The following MYO1B variants were observed in gnomAD, a reference collection of about 807,000 sequenced individuals.
MYO1B encodes the protein myosin IB, also known as unconventional myosin-Ib.
In MYO1B, 72 loss-of-function variants were observed where a neutral mutation model predicts 159.7. That is an observed-to-expected ratio of 0.45 (90% CI 0.37 to 0.55). The LOEUF is 0.55. Among genes scored for constraint, MYO1B ranks in the 20% least tolerant of loss-of-function variants. MYO1B has a pLI of 0.00. For synonymous variants in MYO1B, 468 were observed against 473.8 expected (o/e 0.99, Z 0.16); for missense variants, 1,062 against 1,364.8 (o/e 0.78, Z 3.50).
chr2:191,341,788 G>A (rs1692241831), intron 5 of MYO1B, among the ~76,000 whole-genome samples: 1 of 152,110 alleles, frequency 6.6e-6, no homozygotes, highest in African/African-American at 2.4e-5. Context: ...TCACTTAACA[G>A]TCACTTTTCC....
intron 15 of MYO1B, among the ~76,000 whole-genome samples, chr2:191,383,923 C>T (rs1043398013): frequency 6.6e-6 from 1 of 152,138 alleles, no homozygotes; most frequent in Non-Finnish European, 1.5e-5. Flanking sequence ...AAAGGGACAA[C>T]CTCTGGAGCT....
chr2:191,330,022 A>G lies in MYO1B; in HGVS notation c.339A>G (p.Gly113=). The change falls in exon 4 of 31, where the codon GGA becomes GGG. Residue 113 remains glycine, a synonymous_variant. Coordinates refer to ENST00000392318, the MANE Select transcript of MYO1B (RefSeq NM_001130158.3). The part of the protein sequence containing the change: ...CILITGESGA[G]KTEASKLVMS... ...TCATTACTGGGGAAAGTGGAGCAGG[A>G]AAAACAGGTAAGGCTCCTACCAAGC... 6.2e-7 allele frequency: 1 copy of G among 1,611,092 alleles called. No homozygotes were observed. Among genetic ancestry groups the G allele is most frequent in the Non-Finnish European group, 8.5e-7 (1 of 1,178,134 alleles).
At chr2:191,383,005 A>G (rs1695131862) in intron 14 of MYO1B, among the ~76,000 whole-genome samples, 1 of 152,210 alleles carries the variant, frequency 6.6e-6, no homozygotes, top group Admixed American at 6.5e-5. Flanking sequence ...AGGGCCAGTG[A>G]AGTGCATGGG....
At chr2:191,396,914 G>A (rs1410350999) in intron 21 of MYO1B, among the ~76,000 whole-genome samples, 1 of 152,066 alleles carries the variant, frequency 6.6e-6, no homozygotes, top group African/African-American at 2.4e-5. Flanking sequence ...AAGATCCTGA[G>A]ATCTGGCCAG....
chr2:191,326,158 C>T (rs1691049639), intron 3 of MYO1B, among the ~76,000 whole-genome samples: 1 of 152,156 alleles, frequency 6.6e-6, no homozygotes, highest in East Asian at 1.9e-4. Context: ...CTGACACGGT[C>T]ACAAAATAAT....
At chr2:191,385,506 A>G (rs1695345918) in intron 15 of MYO1B, among the ~76,000 whole-genome samples, 1 of 136,288 alleles carries the variant, frequency 7.3e-6, no homozygotes, top group Admixed American at 7.9e-5. Flanking sequence ...TAGAGGCTGT[A>G]TTGTCACATT....
chr2:191,350,036 G>A lies in MYO1B; in HGVS notation c.499-126G>A, dbSNP rs1201178771. The A allele has an allele frequency of 4.3e-6, 3 of 703,290 alleles. No individual in the cohort carries two copies. The African/African-American group carries it at 5.4e-5, about 13-fold the overall frequency. The allele number at this position is 703,290 out of a possible 1,614,324, so 43.6% of individuals were successfully genotyped here. On this transcript the variant is annotated intron_variant, in intron 6 of 30. Transcript: ENST00000392318. ...GTTTTGCATCGTGGTTATATAAACT[G>A]TGTCTTTCTTAGTTACATTTAAACA...
intron 1 of MYO1B, among the ~76,000 whole-genome samples, chr2:191,258,181 G>C (rs994767589): frequency 1.3e-5 from 2 of 152,132 alleles, no homozygotes; most frequent in Admixed American, 6.6e-5. Flanking sequence ...CCGTATACAG[G>C]TACAGCCAAC....
At chr2:191,357,635 G>A (rs187512433) in intron 7 of MYO1B, among the ~76,000 whole-genome samples, 16 of 152,270 alleles carry the variant, frequency 1.1e-4, no homozygotes, top group Admixed American at 2.6e-4. Flanking sequence ...CTCAATTGGC[G>A]GTGGTAGAAG....
At chr2:191,360,774 G>A (rs1203025214) in intron 8 of MYO1B, 45 bp downstream of exon 8, 3 of 1,343,088 alleles carry the variant, frequency 2.2e-6, no homozygotes, top group Non-Finnish European at 3.2e-6. Flanking sequence ...TGTTGTTGTT[G>A]TTGTTGTTGT....
chr2:191,362,192 A>G (rs1693712129), intron 8 of MYO1B, 76 bp from the exon 9 acceptor site: 1 of 1,124,366 alleles, frequency 8.9e-7, no homozygotes, highest in South Asian at 1.3e-5. Context: ...GATGTGAACA[A>G]GATATCAAAG....
chr2:191,263,435 AT>A (rs1402397770), intron 1 of MYO1B: 7 of 611,128 alleles, frequency 1.1e-5, no homozygotes, highest in Non-Finnish European at 1.4e-5. Flanking sequence ...TAATTTTGTC[AT>A]TTAAAAAGAA....
intron 3 of MYO1B, among the ~76,000 whole-genome samples, chr2:191,297,930 G>A (rs1689083165): frequency 6.6e-6 from 1 of 152,194 alleles, no homozygotes; most frequent in Non-Finnish European, 1.5e-5. Flanking sequence ...AGCGTTGTCT[G>A]TTAGCCGTGT....
intron 2 of MYO1B, among the ~76,000 whole-genome samples, chr2:191,283,224 A>T (rs1264841659): frequency 1.3e-5 from 2 of 152,224 alleles, no homozygotes; most frequent in African/African-American, 4.8e-5. Context: ...TACCAAACTT[A>T]GAGAGTTTTT....
chr2:191,416,226 A>G lies in MYO1B; in HGVS notation c.3271A>G (p.Ile1091Val), dbSNP rs774716677. 19 of 1,614,042 alleles carry G rather than the reference A, an allele frequency of 1.2e-5. No individual in the cohort carries two copies. The East Asian group carries it at 4.2e-4, about 36-fold the overall frequency. ...TLSQTKQKLN[I>V]EISDEFLVQF... The stretch of plus-strand genomic sequence containing the variant: ...CAGCCAAACCAAACAGAAGCTCAAT[A>G]TTGAGATTTCCGATGAGTACGTTCA... The change falls in exon 30 of 31, where the codon ATT becomes GTT. Residue 1091 changes from isoleucine (I) to valine (V), a missense_variant. Physicochemically the swap from Ile to Val is conservative, Grantham distance 29. This residue lies in a region of MYO1B where 609 missense variants were observed against 744.4 expected (regional missense o/e 0.82). Transcript: ENST00000392318.
intron 26 of MYO1B, 74 bp downstream of exon 26, chr2:191,409,252 A>G (rs1027845692): frequency 1.4e-6 from 2 of 1,470,880 alleles, no homozygotes; most frequent in Non-Finnish European, 1.9e-6. Flanking sequence ...CATAAAATCA[A>G]AACTGTTAAC....
chr2:191,399,689 G>A (rs1470731999), intron 21 of MYO1B, among the ~76,000 whole-genome samples: 1 of 152,162 alleles, frequency 6.6e-6, no homozygotes, highest in East Asian at 1.9e-4. Context: ...GACTGACCTT[G>A]CCCAGGCCCT....
At chr2:191,399,563 G>A (rs897869270) in intron 21 of MYO1B, among the ~76,000 whole-genome samples, 7 of 152,184 alleles carry the variant, frequency 4.6e-5, no homozygotes, top group Non-Finnish European at 7.3e-5. Flanking sequence ...TTCAGAGCCT[G>A]TTCTGACCAC....
chr2:191,391,566 G>A (rs1559227568), intron 18 of MYO1B, among the ~76,000 whole-genome samples: 1 of 152,288 alleles, frequency 6.6e-6, no homozygotes, highest in East Asian at 1.9e-4. Flanking sequence ...TGGGTGGAGT[G>A]AGGTTTAGTT....
Sources: allele counts gnomAD v4.1 joint callset (sites outside exome capture counted in the v4.1 genomes callset), GRCh38; gene constraint gnomAD v4.1.1; regional missense constraint gnomAD v4.1.1; transcripts MANE v1.5; gene names NCBI Gene and HGNC (gene_info 2026-07-23, HGNC 2026-07-21).